Variants in RASGRP3 observed in about 807,000 individuals in gnomAD.
The protein encoded by RASGRP3 is ras guanyl-releasing protein 3.
RASGRP3 carries 54 observed loss-of-function variants against 82.7 expected under a neutral mutation model. That is an observed-to-expected ratio of 0.65 (90% CI 0.52 to 0.82). RASGRP3 has a LOEUF of 0.82. Ranked by LOEUF, RASGRP3 falls within the 40% of genes least tolerant of loss-of-function variation. RASGRP3 has a pLI of 0.00. For missense variants in RASGRP3, 861 were observed against 828.9 expected (o/e 1.04, Z -0.48); for synonymous variants, 309 against 300.5 (o/e 1.03, Z -0.29).
chr2:33,450,921 T>C (rs1265690230), intron 2 of RASGRP3, among the ~76,000 whole-genome samples: 1 of 134,686 alleles, frequency 7.4e-6, no homozygotes, highest in Non-Finnish European at 1.5e-5. Context: ...CACTGCAAAC[T>C]CCACCTCCCA....
In RASGRP3 at chr2:33,558,777, G is replaced by C; in HGVS notation, c.1811G>C (p.Arg604Thr). ...GGCTCTTCTCGCAAGATCTCTGTGA[G>C]GCTACAGAGGGCCACCACCAGCCAG... ...VTGSSRKISV[R>T]LQRATTSQAT... Residue 604 changes from arginine to threonine, a missense_variant, in exon 17 of 18, where the codon AGG becomes ACG. By Grantham distance (71) the Arg-to-Thr change is moderately conservative. Transcript: ENST00000403687. 6.2e-7 allele frequency: 1 copy of C among 1,613,968 alleles called. No individual in the cohort carries two copies. Among genetic ancestry groups the C allele is most frequent in the Non-Finnish European group, 8.5e-7 (1 of 1,179,886 alleles).
chr2:33,476,775 G>GTGTGTGTGTGTGTA (rs1667418877), intron 1 of RASGRP3, 68 bp downstream of exon 1: 1 of 151,052 alleles, frequency 6.6e-6, no homozygotes, highest in African/African-American at 2.4e-5. Context: ...GTGTGTGTGT[G>GTGTGTGTGTGTGTA]TGTGTGTGTG....
rs748035236 is a variant in RASGRP3 at position 33,549,745 on chromosome 2, G to A, written c.1536G>A (p.Ala512=). 192 of 1,612,248 alleles carry A rather than the reference G, an allele frequency of 1.2e-4. No homozygotes were observed. Among genetic ancestry groups the A allele is most frequent in the Non-Finnish European group, 1.3e-4 (155 of 1,179,474 alleles). ...YLKPTFCEHC[A]GFLWGIIKQG... ...AGCCAACCTTCTGCGAACACTGTGC[G>A]GGATTTGTAAGTCTGTTTTCCGTTG... The change falls in exon 14 of 18, where the codon GCG becomes GCA. Residue 512 remains alanine, a synonymous_variant. Transcript: ENST00000403687.
At chr2:33,451,888 C>T (rs1198101067) in intron 2 of RASGRP3, among the ~76,000 whole-genome samples, 2 of 151,924 alleles carry the variant, frequency 1.3e-5, no homozygotes, top group Non-Finnish European at 2.9e-5. Flanking sequence ...TTCATAAATC[C>T]TATAGGCTTT....
At chr2:33,476,746 T>TA (rs1667406386) in intron 1 of RASGRP3, 39 bp downstream of exon 1, 1 of 137,944 alleles carries the variant, frequency 7.2e-6, no homozygotes. Flanking sequence ...TCTCTCTCTT[T>TA]CATTCCCTCT....
upstream of RASGRP3, among the ~76,000 whole-genome samples, chr2:33,473,400 A>T (rs766828402): frequency 8.5e-5 from 13 of 152,152 alleles, no homozygotes; most frequent in Non-Finnish European, 1.3e-4. Context: ...AAAGCAAAAA[A>T]TCAGAAAGAC....
Position 33,534,335 on chromosome 2 carries a change from C to T in RASGRP3, c.1096C>T (p.Leu366Phe). The T allele has an allele frequency of 6.4e-7, 1 of 1,569,822 alleles. No individual in the cohort carries two copies. Among genetic ancestry groups the T allele is most frequent in the East Asian group, 2.2e-5 (1 of 44,672 alleles). Residue 366 changes from leucine to phenylalanine, a missense_variant, in exon 11 of 18, where the codon CTC becomes TTC. By Grantham distance (22) the Leu-to-Phe change is conservative (BLOSUM62 0). Transcript: ENST00000403687. ...LINLLTLSLD[L>F]YHTEDDIYKL... ...AATTTTGTTGTAGCTTTCCCTGGAC[C>T]TCTATCACACTGAAGATGATATTTA...
intron 10 of RASGRP3, chr2:33,533,510 T>C (rs1673302682): frequency 6.6e-6 from 1 of 152,258 alleles, no homozygotes; most frequent in Admixed American, 6.5e-5. Context: ...TGAAATACTT[T>C]ACATGCATTA....
intron 9 of RASGRP3, 105 bp downstream of exon 9, chr2:33,524,653 C>A: frequency 1.2e-6 from 1 of 838,372 alleles, no homozygotes; most frequent in Non-Finnish European, 1.9e-6. Flanking sequence ...AAGTTTTCCT[C>A]TTAAACCAGT....
chr2:33,514,543 G>T (rs934649502), intron 2 of RASGRP3, among the ~76,000 whole-genome samples: 2 of 145,256 alleles, frequency 1.4e-5, no homozygotes, highest in African/African-American at 2.5e-5. Context: ...AAAATAGCCA[G>T]GAGTGGTGGT....
At chr2:33,497,413 T>C (rs1669427398) in intron 1 of RASGRP3, among the ~76,000 whole-genome samples, 1 of 152,202 alleles carries the variant, frequency 6.6e-6, no homozygotes, top group Non-Finnish European at 1.5e-5. Flanking sequence ...TTAATTTTAG[T>C]CCCAGCTTGG....
At chr2:33,451,103 A>G (rs989513308) in intron 2 of RASGRP3, among the ~76,000 whole-genome samples, 1 of 151,708 alleles carries the variant, frequency 6.6e-6, no homozygotes, top group Non-Finnish European at 1.5e-5. Context: ...TGACCTCGTG[A>G]TCTGCCCGCC....
Position 33,524,444 on chromosome 2 carries a change from C to G in RASGRP3, c.703C>G (p.Leu235Val), listed in dbSNP as rs1429453840. ...ATTTTTATTGCAGAAGCTCCTTCAG[C>G]TCAAAAATTTTAACACCCTGATGGC... Reference protein sequence around the residue: ...FINVAKKLLQLKNFNTLMAVV... With the variant: ...FINVAKKLLQVKNFNTLMAVV... Residue 235 changes from leucine to valine, a missense_variant, in exon 9 of 18, where the codon CTC becomes GTC. Coordinates refer to ENST00000403687, the MANE Select transcript of RASGRP3 (RefSeq NM_001139488.2). 5 of 1,593,874 alleles carry G rather than the reference C, an allele frequency of 3.1e-6. No homozygotes were observed. Among genetic ancestry groups the G allele is most frequent in the Non-Finnish European group, 4.3e-6 (5 of 1,170,350 alleles).
intron 2 of RASGRP3, among the ~76,000 whole-genome samples, chr2:33,470,024 C>T (rs1211235643): frequency 1.3e-5 from 2 of 152,100 alleles, no homozygotes; most frequent in Admixed American, 6.6e-5. Context: ...TTTAAATTCA[C>T]GTTATTTTTA....
chr2:33,497,721 C>T (rs1027140005), intron 1 of RASGRP3, among the ~76,000 whole-genome samples: 4 of 152,058 alleles, frequency 2.6e-5, no homozygotes, highest in Admixed American at 1.3e-4. Context: ...TGAGTACTTT[C>T]GGTATGTGTT....
chr2:33,558,119 G>A (rs894088137), intron 15 of RASGRP3, 92 bp from the exon 16 acceptor site: 19 of 1,479,954 alleles, frequency 1.3e-5, no homozygotes, highest in Admixed American at 3.9e-5. Flanking sequence ...ACTGGGGTGG[G>A]GGAGGGGAGG....
intron 1 of RASGRP3, among the ~76,000 whole-genome samples, chr2:33,507,188 G>A (rs1670458900): frequency 6.6e-6 from 1 of 152,110 alleles, no homozygotes. Context: ...TTGAGATCAG[G>A]AATTCAGACC....
At chr2:33,537,910 A>C (rs1673815952) in intron 11 of RASGRP3, among the ~76,000 whole-genome samples, 1 of 152,208 alleles carries the variant, frequency 6.6e-6, no homozygotes, top group Non-Finnish European at 1.5e-5. Context: ...GTGGAGAAAG[A>C]AAGTTCACCA....
At chr2:33,443,002 T>C (rs1338794387) in intron 1 of RASGRP3, among the ~76,000 whole-genome samples, 1 of 152,172 alleles carries the variant, frequency 6.6e-6, no homozygotes, top group African/African-American at 2.4e-5. Context: ...GCTGCTGAAC[T>C]TTTTATGTTT....
Sources: allele counts gnomAD v4.1 joint callset (sites outside exome capture counted in the v4.1 genomes callset), GRCh38; gene constraint gnomAD v4.1.1; transcripts MANE v1.5; gene names NCBI Gene and HGNC (gene_info 2026-07-23, HGNC 2026-07-21).